Variants in C12orf42 observed in about 807,000 individuals in gnomAD.
The protein encoded by C12orf42 is uncharacterized protein C12orf42.
In C12orf42, 25 loss-of-function variants were observed where a neutral mutation model predicts 21.6. The observed-to-expected ratio is 1.16, with a 90% CI of 0.84 to 1.62. The LOEUF is 1.62. Among genes scored for constraint, C12orf42 ranks in the 40% most tolerant of loss-of-function variants. The pLI is 0.00. For missense variants in C12orf42, 483 were observed against 459.3 expected, an observed-to-expected ratio of 1.05 and a Z score of -0.47; for synonymous variants, 174 against 175.0, an observed-to-expected ratio of 0.99 and a Z score of 0.05.
At chr12:103,144,277 A>G in the C12orf42 span, among the ~76,000 whole-genome samples, 7 of 151,968 alleles carry the variant, frequency 4.6e-5, no homozygotes, top group Non-Finnish European at 8.8e-5. Context: ...AAAAAGGTAA[A>G]AGAAAAAGAA....
chr12:103,253,696 A>G lies in C12orf42; in HGVS notation c.*1366+9630T>C, dbSNP rs555505045. 3.3e-4 allele frequency among the ~76,000 whole-genome samples: 50 copies of G among 152,082 alleles called. 3 individuals are homozygous for G. In the South Asian group the frequency reaches 9.8e-3, roughly 30 times the overall value. ...TGCTGAAGTTGAAGTTTTTAAAGTA[A>G]ACTTTCACTCCTGCTTTAAAACTTG... On this transcript the variant is annotated intron_variant and NMD_transcript_variant, in intron 10 of 10. Transcript: ENST00000547347.
the C12orf42 span, among the ~76,000 whole-genome samples, chr12:103,084,337 C>T: frequency 6.6e-6 from 1 of 152,150 alleles, no homozygotes; most frequent in African/African-American, 2.4e-5. Context: ...AATGTCCCCA[C>T]TGCATGTTTT....
downstream of C12orf42, among the ~76,000 whole-genome samples, chr12:103,301,217 A>G (rs553325151): frequency 1.3e-5 from 2 of 152,346 alleles, no homozygotes; most frequent in African/African-American, 4.8e-5. Context: ...GTAAGATTTG[A>G]CAACCTCCAT....
chr12:103,143,483 A>G, the C12orf42 span, among the ~76,000 whole-genome samples: 1 of 152,346 alleles, frequency 6.6e-6, no homozygotes, highest in South Asian at 2.1e-4. Flanking sequence ...CTAGCAACCC[A>G]GGACTGTAGA....
intron 4 of C12orf42, among the ~76,000 whole-genome samples, chr12:103,364,260 G>A (rs1001238166): frequency 9.2e-5 from 14 of 151,922 alleles, no homozygotes; most frequent in Non-Finnish European, 1.8e-4. Flanking sequence ...GGTCAACAAC[G>A]AAATCGATAG....
At chr12:103,055,605 T>A in the C12orf42 span, among the ~76,000 whole-genome samples, 5 of 152,130 alleles carry the variant, frequency 3.3e-5, no homozygotes, top group African/African-American at 1.2e-4. Flanking sequence ...TTTTGGCTTA[T>A]CTTGCTCTTC....
chr12:103,468,744 G>T (rs911318977), intron 2 of C12orf42, among the ~76,000 whole-genome samples: 3 of 151,702 alleles, frequency 2.0e-5, no homozygotes, highest in African/African-American at 7.3e-5. Context: ...AAAACGGGTC[G>T]ATGAATTCAC....
the C12orf42 span, among the ~76,000 whole-genome samples, chr12:103,154,870 A>G: frequency 1.3e-5 from 2 of 152,216 alleles, no homozygotes; most frequent in South Asian, 2.1e-4. Flanking sequence ...TTTATGGATT[A>G]TACATTTGCA....
intron 2 of C12orf42, among the ~76,000 whole-genome samples, chr12:103,440,217 A>G (rs1468695175): frequency 7.1e-6 from 1 of 140,530 alleles, no homozygotes; most frequent in Non-Finnish European, 1.5e-5. Flanking sequence ...ATGAGATCAC[A>G]TGGACACAGG....
At chr12:103,088,612 G>A in the C12orf42 span, among the ~76,000 whole-genome samples, 1 of 152,324 alleles carries the variant, frequency 6.6e-6, no homozygotes, top group East Asian at 1.9e-4. Flanking sequence ...TCATGTCCCT[G>A]CGGAGTCTCC....
chr12:103,099,819 G>A, the C12orf42 span, among the ~76,000 whole-genome samples: 1 of 152,040 alleles, frequency 6.6e-6, no homozygotes, highest in South Asian at 2.1e-4. Context: ...TTTGCATGAC[G>A]TTTTATAGAC....
Position 103,302,260 on chromosome 12 carries a change from G to T in C12orf42, c.931C>A (p.Pro311Thr), listed in dbSNP as rs1290154373. 2 of 1,612,170 alleles carry T rather than the reference G, an allele frequency of 1.2e-6. No homozygotes were observed. Among genetic ancestry groups the T allele is most frequent in the East Asian group, 2.2e-5 (1 of 44,844 alleles). Reference protein sequence around the residue: ...TSLHGNLAGAPLPLLAGASTH... With the variant: ...TSLHGNLAGATLPLLAGASTH... ...GAAGCACCGGCCAGCAGAGGAAGGGGCGCTCCTGCCAGATTGCCATGGAGG... is the reference window on the plus strand; with the variant it reads ...GAAGCACCGGCCAGCAGAGGAAGGGTCGCTCCTGCCAGATTGCCATGGAGG... The change falls in exon 6 of 6, where the codon CCC becomes ACC. Residue 311 changes from proline (P) to threonine (T), a missense_variant. Pro to Thr is a conservative substitution (Grantham distance 38, BLOSUM62 -1). Transcript: ENST00000548883.
chr12:103,141,236 A>G, the C12orf42 span, among the ~76,000 whole-genome samples: 1 of 152,324 alleles, frequency 6.6e-6, no homozygotes, highest in African/African-American at 2.4e-5. Flanking sequence ...ACAAAGAATT[A>G]GAAAAGAAAA....
chr12:103,385,812 C>T (rs763356047), intron 3 of C12orf42, among the ~76,000 whole-genome samples: 1 of 152,078 alleles, frequency 6.6e-6, no homozygotes, highest in South Asian at 2.1e-4. Context: ...GCTAAATTGC[C>T]ATGGAAGCTA....
the C12orf42 span, chr12:103,505,666 A>C: frequency 4.2e-6 from 1 of 237,016 alleles, no homozygotes; most frequent in South Asian, 4.6e-5. Context: ...GGGGGCATAT[A>C]CCAGGGATGC....
chr12:103,368,835 C>A (rs1261120626), intron 4 of C12orf42, 52 bp downstream of exon 4: 4 of 949,004 alleles, frequency 4.2e-6, no homozygotes, highest in Non-Finnish European at 6.5e-6. Context: ...TGTACATAGT[C>A]CAGAGTTTCT....
At chr12:103,454,804 T>C (rs998392772) in intron 2 of C12orf42, among the ~76,000 whole-genome samples, 6 of 152,170 alleles carry the variant, frequency 3.9e-5, no homozygotes, top group Non-Finnish European at 1.5e-5. Context: ...GATTCATAGC[T>C]TTTCTTCTTT....
chr12:103,404,484 T>C (rs1447675773), intron 2 of C12orf42, among the ~76,000 whole-genome samples: 1 of 152,230 alleles, frequency 6.6e-6, no homozygotes, highest in Non-Finnish European at 1.5e-5. Flanking sequence ...GGATGTATAA[T>C]GAAGGTTGCT....
At chr12:103,320,749 A>G (rs2040006663) in intron 4 of C12orf42, among the ~76,000 whole-genome samples, 1 of 152,144 alleles carries the variant, frequency 6.6e-6, no homozygotes, top group African/African-American at 2.4e-5. Flanking sequence ...AAAAAAAATC[A>G]AGGAAAAGAT....
Sources: allele counts gnomAD v4.1 joint callset (sites outside exome capture counted in the v4.1 genomes callset), GRCh38; gene constraint gnomAD v4.1.1; transcripts MANE v1.5; gene names NCBI Gene and HGNC (gene_info 2026-07-23, HGNC 2026-07-21).